LBH: variants seen among roughly 807,000 people sequenced by gnomAD.
The protein encoded by LBH is protein LBH.
Under a neutral mutation model 12.5 loss-of-function variants are expected in LBH, and 7 were observed. The observed-to-expected ratio is 0.56, with a 90% CI of 0.32 to 1.05. The LOEUF is 1.05. LBH is among the 50% of genes least tolerant of loss of function. LBH has a pLI of 0.04. For missense variants in LBH, 119 were observed against 138.9 expected (o/e 0.86, Z 0.72); for synonymous variants, 51 against 50.1 (o/e 1.02, Z -0.08).
Position 30,257,444 on chromosome 2 carries a change from C to A in LBH, c.141C>A (p.Asp47Glu). 6.2e-7 allele frequency: 1 copy of A among 1,614,096 alleles called. No homozygotes were observed. Among genetic ancestry groups the A allele is most frequent in the Non-Finnish European group, 8.5e-7 (1 of 1,179,942 alleles). ...TGCTTTTCTTTCAGATCTTCCCAGA[C>A]CCGTCAGATTTTGACCGCTGCTGCA... ...KDGLSYQIFP[D>E]PSDFDRCCKL... The change falls in exon 3 of 3, where the codon GAC becomes GAA. Residue 47 changes from aspartate to glutamate, a missense_variant. Coordinates refer to ENST00000395323, the MANE Select transcript of LBH (RefSeq NM_030915.4).
chr2:30,235,082 G>C (rs1280555241), intron 2 of LBH, among the ~76,000 whole-genome samples: 1 of 152,164 alleles, frequency 6.6e-6, no homozygotes, highest in Non-Finnish European at 1.5e-5. Flanking sequence ...CTATTGCTGG[G>C]ATCTTGCTTG....
chr2:30,236,734 G>T (rs1677694503), intron 2 of LBH, among the ~76,000 whole-genome samples: 3 of 152,326 alleles, frequency 2.0e-5, no homozygotes, highest in African/African-American at 7.2e-5. Flanking sequence ...CACAGGTGGT[G>T]CAGTCAGTCC....
intron 2 of LBH, among the ~76,000 whole-genome samples, chr2:30,238,448 C>T (rs1677728347): frequency 6.6e-6 from 1 of 152,198 alleles, no homozygotes; most frequent in Admixed American, 6.5e-5. Context: ...TGTATTCTTT[C>T]TGCTTTTATT....
chr2:30,250,054 G>C (rs543445202), intron 2 of LBH, among the ~76,000 whole-genome samples: 1 of 152,142 alleles, frequency 6.6e-6, no homozygotes, highest in Non-Finnish European at 1.5e-5. Context: ...ATAAAATGAC[G>C]TGACCAGGGT....
At chr2:30,256,972 T>C (rs1472041835) in intron 2 of LBH, among the ~76,000 whole-genome samples, 1 of 152,240 alleles carries the variant, frequency 6.6e-6, no homozygotes, top group Non-Finnish European at 1.5e-5. Context: ...GGAAGTGATA[T>C]ATGTATAGCA....
chr2:30,250,384 C>CTTTG (rs1216724074), intron 2 of LBH, among the ~76,000 whole-genome samples: 1 of 151,950 alleles, frequency 6.6e-6, no homozygotes, highest in Non-Finnish European at 1.5e-5. Flanking sequence ...CCTTTGTGTC[C>CTTTG]TGCTAACCAC....
At chr2:30,236,391 A>G (rs879128291) in intron 2 of LBH, among the ~76,000 whole-genome samples, 3 of 152,126 alleles carry the variant, frequency 2.0e-5, no homozygotes, top group Admixed American at 1.3e-4. Context: ...CTGCCTGAGC[A>G]AAGGATCCAC....
intron 2 of LBH, among the ~76,000 whole-genome samples, chr2:30,236,898 T>G (rs1266126907): frequency 1.3e-5 from 2 of 152,082 alleles, no homozygotes; most frequent in Non-Finnish European, 2.9e-5. Context: ...GTAATGTTCT[T>G]GCACCTTCAG....
chr2:30,257,402 T>G (rs775383426), intron 2 of LBH, 31 bp from the exon 3 acceptor site: 90 of 1,612,012 alleles, frequency 5.6e-5, no homozygotes, highest in Non-Finnish European at 3.4e-6. Flanking sequence ...AATATCTACG[T>G]GACCAGGCAC....
chr2:30,245,126 A>G (rs138869911), intron 2 of LBH, among the ~76,000 whole-genome samples: 186 of 152,314 alleles, frequency 1.2e-3, no homozygotes, highest in African/African-American at 4.0e-3. Context: ...ATGACTAAAA[A>G]CTTTCAAACA....
intron 2 of LBH, among the ~76,000 whole-genome samples, chr2:30,244,871 A>G (rs538469037): frequency 5.5e-4 from 84 of 152,266 alleles, no homozygotes; most frequent in African/African-American, 2.0e-3. Flanking sequence ...GCACCACTGC[A>G]CTCCAGCCTG....
At chr2:30,244,808 G>T (rs1400614280) in intron 2 of LBH, among the ~76,000 whole-genome samples, 1 of 152,066 alleles carries the variant, frequency 6.6e-6, no homozygotes, top group African/African-American at 2.4e-5. Flanking sequence ...TGAGGGGCTG[G>T]GGTGGGAGGA....
At chr2:30,256,521 T>C (rs1009315785) in intron 2 of LBH, 1 of 150,976 alleles carries the variant, frequency 6.6e-6, no homozygotes, top group South Asian at 2.1e-4. Flanking sequence ...CCAGTTTTTG[T>C]TTTTTTTTAT....
At chr2:30,247,882 C>T (rs1184812691) in intron 2 of LBH, among the ~76,000 whole-genome samples, 4 of 152,196 alleles carry the variant, frequency 2.6e-5, no homozygotes, top group African/African-American at 9.6e-5. Context: ...TTAATTCTCG[C>T]CAAGGTGCCA....
At chr2:30,244,551 C>T (rs985170426) in intron 2 of LBH, among the ~76,000 whole-genome samples, 2 of 152,036 alleles carry the variant, frequency 1.3e-5, no homozygotes, top group African/African-American at 4.8e-5. Context: ...CAAAACTGCC[C>T]TTCTCCCCCT....
At chr2:30,244,926 C>T (rs1572380185) in intron 2 of LBH, among the ~76,000 whole-genome samples, 2 of 151,956 alleles carry the variant, frequency 1.3e-5, no homozygotes, top group East Asian at 1.9e-4. Context: ...AAAAAAGAAA[C>T]CTCAATAAAA....
chr2:30,245,723 T>C (rs1431146286), intron 2 of LBH, among the ~76,000 whole-genome samples: 1 of 152,168 alleles, frequency 6.6e-6, no homozygotes, highest in Admixed American at 6.5e-5. Context: ...CTGATTTCCA[T>C]GTGTATAAGT....
At position 30,257,525 on chromosome 2, in the gene LBH, G is replaced by A. The variant is rs1678105999; in HGVS notation, c.222G>A (p.Glu74=). 2.5e-6 allele frequency: 4 copies of A among 1,614,230 alleles called. No individual in the cohort carries two copies. The highest frequency in any genetic ancestry group is 3.4e-6 in the Non-Finnish European group (4 of 1,180,034). The change falls in exon 3 of 3, where the codon GAG becomes GAA. Residue 74 remains glutamate, a synonymous_variant. Coordinates refer to ENST00000395323, the MANE Select transcript of LBH (RefSeq NM_030915.4). Reference sequence around the variant, plus strand: ...TGGAACCCACAGAAGGGGAGGTGGAGAGCGGGGAGCTCCGGTGGCCCCCTG... The same window carrying A: ...TGGAACCCACAGAAGGGGAGGTGGAAAGCGGGGAGCTCCGGTGGCCCCCTG... ...IVVEPTEGEV[E]SGELRWPPEE...
Position 30,234,505 on chromosome 2 carries a change from C to A in LBH, c.127C>A (p.Gln43Lys). Residue 43 changes from glutamine (Q) to lysine (K), a missense_variant and splice_region_variant, in exon 2 of 3, where the codon CAG becomes AAG. Coordinates refer to ENST00000395323, the MANE Select transcript of LBH (RefSeq NM_030915.4). ...LSPRKDGLSY[Q>K]IFPDPSDFDR... The stretch of plus-strand genomic sequence containing the variant: ...CCCCCGCAAGGATGGCCTTTCCTAC[C>A]AGGTGAGTAAGTCCTGGCTCCCCTC... The A allele has an allele frequency of 6.2e-7, 1 of 1,610,412 alleles. No individual in the cohort carries two copies. The highest frequency in any genetic ancestry group is 8.5e-7 in the Non-Finnish European group (1 of 1,176,626).
Sources: gnomAD v4.1 joint callset for allele counts (sites outside exome capture counted in the v4.1 genomes callset) on GRCh38, gnomAD v4.1.1 for gene constraint, MANE v1.5 for transcripts, NCBI Gene and HGNC (gene_info 2026-07-23, HGNC 2026-07-21) for gene names.